The following CCDC60 variants were observed in gnomAD, a reference collection of about 807,000 sequenced individuals.
The protein encoded by CCDC60 is coiled-coil domain-containing protein 60.
Under a neutral mutation model 63.5 loss-of-function variants are expected in CCDC60, and 54 were observed. That is an observed-to-expected ratio of 0.85 (90% CI 0.68 to 1.07). CCDC60 has a LOEUF of 1.07. Among genes scored for constraint, CCDC60 ranks in the 50% least tolerant of loss-of-function variants. CCDC60 has a pLI of 0.00. For synonymous variants in CCDC60, 206 were observed against 238.8 expected (o/e 0.86, Z 1.27); for missense variants, 651 against 684.3 (o/e 0.95, Z 0.54).
At chr12:119,392,961 C>T (rs1246429403) in intron 1 of CCDC60, among the ~76,000 whole-genome samples, 1 of 152,062 alleles carries the variant, frequency 6.6e-6, no homozygotes, top group Non-Finnish European at 1.5e-5. Flanking sequence ...TTGAGACCAC[C>T]CTGGGCAACA....
At chr12:119,342,602 T>C (rs1955543989) in intron 1 of CCDC60, among the ~76,000 whole-genome samples, 1 of 152,190 alleles carries the variant, frequency 6.6e-6, no homozygotes, top group South Asian at 2.1e-4. Context: ...AGGGCACTTG[T>C]CCATAGTAGT....
chr12:119,391,254 T>C (rs1015100015), intron 1 of CCDC60, among the ~76,000 whole-genome samples: 9 of 152,220 alleles, frequency 5.9e-5, no homozygotes, highest in Admixed American at 1.3e-4. Context: ...TTTCCAAGTA[T>C]GTGTCTATGT....
chr12:119,498,007 C>A (rs1454983221), intron 5 of CCDC60, among the ~76,000 whole-genome samples: 1 of 152,170 alleles, frequency 6.6e-6, no homozygotes, highest in Non-Finnish European at 1.5e-5. Flanking sequence ...CACATTCTCA[C>A]CCCACCTCAC....
At chr12:119,529,524 G>A (rs1370995678) in intron 12 of CCDC60, among the ~76,000 whole-genome samples, 1 of 152,144 alleles carries the variant, frequency 6.6e-6, no homozygotes, top group Admixed American at 6.5e-5. Flanking sequence ...AGATTTAAGA[G>A]TAAGATGAGA....
At chr12:119,343,603 A>G (rs956726565) in intron 1 of CCDC60, among the ~76,000 whole-genome samples, 1 of 151,842 alleles carries the variant, frequency 6.6e-6, no homozygotes, top group Admixed American at 6.6e-5. Context: ...TGGAAAGAAC[A>G]TTTATAAATA....
At chr12:119,413,936 G>A (rs886337805) in intron 1 of CCDC60, among the ~76,000 whole-genome samples, 3 of 152,116 alleles carry the variant, frequency 2.0e-5, no homozygotes, top group African/African-American at 7.2e-5. Context: ...TCCTTTAGCT[G>A]CTTGTGGGTT....
intron 12 of CCDC60, among the ~76,000 whole-genome samples, chr12:119,530,482 G>A (rs1212856009): frequency 1.3e-5 from 2 of 152,090 alleles, no homozygotes; most frequent in Admixed American, 6.5e-5. Flanking sequence ...ACCGTCGTGT[G>A]TGAGAGCCTC....
intron 1 of CCDC60, among the ~76,000 whole-genome samples, chr12:119,370,540 A>G (rs1335271882): frequency 6.6e-6 from 1 of 152,202 alleles, no homozygotes; most frequent in Non-Finnish European, 1.5e-5. Context: ...TTAAAACTGT[A>G]CTTGAGGGCC....
At chr12:119,433,238 G>A (rs536022610) in intron 2 of CCDC60, 1 of 603,670 alleles carries the variant, frequency 1.7e-6, no homozygotes, top group Non-Finnish European at 2.9e-6. Context: ...CACAGACCCA[G>A]TAGAATAGAG....
At chr12:119,423,614 C>T (rs1287760942) in intron 1 of CCDC60, among the ~76,000 whole-genome samples, 2 of 152,234 alleles carry the variant, frequency 1.3e-5, no homozygotes, top group Non-Finnish European at 2.9e-5. Context: ...ATGAGTCTAG[C>T]TTATGCCAAG....
intron 1 of CCDC60, among the ~76,000 whole-genome samples, chr12:119,346,190 G>A (rs755984061): frequency 6.6e-6 from 1 of 151,942 alleles, no homozygotes; most frequent in Non-Finnish European, 1.5e-5. Flanking sequence ...TGAAGAAACA[G>A]GGAATCTTAA....
chr12:119,429,334 A>C (rs1465949625), intron 2 of CCDC60, among the ~76,000 whole-genome samples: 1 of 151,982 alleles, frequency 6.6e-6, no homozygotes, highest in Non-Finnish European at 1.5e-5. Context: ...GAGGCCCAGG[A>C]CCATGTTTCA....
chr12:119,383,489 C>A, intron 1 of CCDC60, among the ~76,000 whole-genome samples: 1 of 152,272 alleles, frequency 6.6e-6, no homozygotes, highest in Middle Eastern at 3.4e-3. Flanking sequence ...AAAGACGGAT[C>A]CAGATAGCCA....
chr12:119,447,119 C>T (rs1950557137), intron 2 of CCDC60, among the ~76,000 whole-genome samples: 1 of 152,148 alleles, frequency 6.6e-6, no homozygotes, highest in East Asian at 1.9e-4. Context: ...GCCCGTGGTC[C>T]TGGAAAGAGG....
At chr12:119,455,442 G>A (rs140756372) in intron 2 of CCDC60, among the ~76,000 whole-genome samples, 13 of 152,300 alleles carry the variant, frequency 8.5e-5, no homozygotes, top group South Asian at 4.1e-4. Context: ...GACCTAGCCT[G>A]GAACTGAGAG....
chr12:119,522,042 G>T (rs2136496176), intron 9 of CCDC60, among the ~76,000 whole-genome samples: 1 of 152,310 alleles, frequency 6.6e-6, no homozygotes, highest in East Asian at 1.9e-4. Context: ...AGGCCTGCCT[G>T]CCTAAAGAAG....
intron 2 of CCDC60, among the ~76,000 whole-genome samples, chr12:119,437,083 A>C (rs1950339910): frequency 6.6e-6 from 1 of 152,200 alleles, no homozygotes. Flanking sequence ...GACATGTGGC[A>C]CTTTTATCAT....
Position 119,494,254 on chromosome 12 carries a change from C to T in CCDC60, c.557+5388C>T, listed in dbSNP as rs564023136. On this transcript the variant is annotated intron_variant, in intron 5 of 13. Coordinates refer to ENST00000327554, the MANE Select transcript of CCDC60 (RefSeq NM_178499.5). ...AGCTCTAATGCTGCCTCCCCTACCC[C>T]TGTGGCCATCTTCCCTAGTTACAGT... is the stretch of plus-strand genomic sequence containing the variant. Among the ~76,000 whole-genome samples the T allele has an allele frequency of 2.6e-5, 4 of 152,328 alleles. No homozygotes were observed. The East Asian group carries it at 7.7e-4, about 29-fold the overall frequency.
rs12825835 is a variant in CCDC60, at chr12:119,420,002, G to A, written c.91-8681G>A. Among the ~76,000 whole-genome samples the A allele has an allele frequency of 0.15, 22,501 of 148,184 alleles. 1,787 individuals are homozygous for A. The highest frequency in any genetic ancestry group is 0.19 in the African/African-American group (7,695 of 40,154). On this transcript the variant is annotated intron_variant, in intron 1 of 13. Coordinates refer to ENST00000327554, the MANE Select transcript of CCDC60 (RefSeq NM_178499.5). This position sits in a 1 kb window ranked among gnomAD's most constrained non-coding sequence, Gnocchi z 4.1. ...CGCCATTCTCCTGCCTCAGCCTCCC[G>A]AGTAGCTGGGACTACAGGCACCCAC...
Sources: allele counts gnomAD v4.1 joint callset (sites outside exome capture counted in the v4.1 genomes callset), GRCh38; gene constraint gnomAD v4.1.1; non-coding constraint Gnocchi (gnomAD v3.1); transcripts MANE v1.5; gene names NCBI Gene and HGNC (gene_info 2026-07-23, HGNC 2026-07-21).